SUPT3H: variants seen among roughly 807,000 people sequenced by gnomAD.
The protein encoded by SUPT3H is SPT3 homolog, SAGA and STAGA complex component.
SUPT3H carries 44 observed loss-of-function variants against 44.3 expected under a neutral mutation model. That is an observed-to-expected ratio of 0.99 (90% confidence interval 0.78 to 1.28). The LOEUF (loss-of-function observed/expected upper bound fraction) is 1.28, where lower values mean the gene tolerates loss of function less well. Among genes scored for constraint, SUPT3H ranks in the 50% most tolerant of loss-of-function variants. The pLI, the probability that SUPT3H is intolerant of heterozygous loss-of-function variation, is 0.00. For missense variants in SUPT3H, 380 were observed against 387.1 expected (o/e 0.98, Z 0.15); for synonymous variants, 124 against 125.6 (o/e 0.99, Z 0.09).
chr6:44,928,714 T>G (rs1033081526), intron 10 of SUPT3H, among the ~76,000 whole-genome samples: 2 of 150,368 alleles, frequency 1.3e-5, no homozygotes, highest in African/African-American at 4.9e-5. Flanking sequence ...AAACCCCGTC[T>G]CTACTAAAAA....
intron 2 of SUPT3H, among the ~76,000 whole-genome samples, chr6:45,167,707 GA>G (rs534945322): frequency 9.3e-5 from 14 of 150,822 alleles, no homozygotes; most frequent in Non-Finnish European, 1.6e-4. Flanking sequence ...TTTAGAGGAT[GA>G]AAAACATTGA....
At chr6:44,833,224 A>C (rs1398266597) in intron 10 of SUPT3H, among the ~76,000 whole-genome samples, 1 of 152,064 alleles carries the variant, frequency 6.6e-6, no homozygotes, top group Non-Finnish European at 1.5e-5. Context: ...GTAAGTCCCA[A>C]ACTCTCCTAC....
At chr6:45,233,265 G>T (rs528250099) in intron 2 of SUPT3H, among the ~76,000 whole-genome samples, 3 of 152,300 alleles carry the variant, frequency 2.0e-5, no homozygotes, top group Admixed American at 2.0e-4. Flanking sequence ...CCTCCAAATG[G>T]ACTCTGGGAG....
intron 2 of SUPT3H, among the ~76,000 whole-genome samples, chr6:45,209,719 T>C (rs1763779397): frequency 6.6e-6 from 1 of 152,232 alleles, no homozygotes; most frequent in Non-Finnish European, 1.5e-5. Flanking sequence ...CTAAAGCAGA[T>C]ACAAGGTTTG....
intron 2 of SUPT3H, among the ~76,000 whole-genome samples, chr6:45,115,075 A>C (rs1351884269): frequency 6.6e-6 from 1 of 152,184 alleles, no homozygotes; most frequent in Non-Finnish European, 1.5e-5. Flanking sequence ...GAAAACAGAT[A>C]CACTGTAATC....
chr6:45,307,643 G>A (rs1783260603), intron 2 of SUPT3H, among the ~76,000 whole-genome samples: 1 of 152,092 alleles, frequency 6.6e-6, no homozygotes, highest in Admixed American at 6.5e-5. Flanking sequence ...AAGACCAAAG[G>A]TAGATAAAAA....
chr6:45,272,944 T>C (rs913155731), intron 2 of SUPT3H, among the ~76,000 whole-genome samples: 3 of 152,234 alleles, frequency 2.0e-5, no homozygotes, highest in African/African-American at 7.2e-5. Context: ...GCCATGGTTT[T>C]TATTGTTCTT....
At chr6:45,023,173 T>G (rs1324049472) in intron 3 of SUPT3H, among the ~76,000 whole-genome samples, 2 of 149,740 alleles carry the variant, frequency 1.3e-5, no homozygotes, top group Non-Finnish European at 3.0e-5. Context: ...AAAAAAAAGC[T>G]CAGTAACACT....
At chr6:44,824,627 G>A (rs1767603902), downstream of SUPT3H, among the ~76,000 whole-genome samples, 1 of 152,180 alleles carries the variant, frequency 6.6e-6, no homozygotes, top group Non-Finnish European at 1.5e-5. Flanking sequence ...GCTGCTGACT[G>A]GGTGTGGTGG....
intron 6 of SUPT3H, among the ~76,000 whole-genome samples, chr6:45,000,122 T>C (rs757546493): frequency 1.4e-4 from 21 of 152,014 alleles, no homozygotes; most frequent in Admixed American, 2.6e-4. Context: ...TATGTACATA[T>C]GTAAACTACA....
At chr6:45,158,939 A>C (rs1186388036) in intron 2 of SUPT3H, 1 of 152,220 alleles carries the variant, frequency 6.6e-6, no homozygotes, top group Non-Finnish European at 1.5e-5. Flanking sequence ...AAAAGGACTC[A>C]AATCCAATGG....
chr6:45,055,677 T>C (rs2153538865), intron 3 of SUPT3H, among the ~76,000 whole-genome samples: 1 of 152,290 alleles, frequency 6.6e-6, no homozygotes, highest in East Asian at 1.9e-4. Flanking sequence ...CAACTCAAGA[T>C]GGATCAAAGA....
At chr6:45,357,350 T>G (rs1010551674) in intron 2 of SUPT3H, among the ~76,000 whole-genome samples, 50 of 151,164 alleles carry the variant, frequency 3.3e-4, no homozygotes, top group African/African-American at 1.2e-3. Flanking sequence ...TTTTATTTTT[T>G]GAGACAGTCT....
intron 2 of SUPT3H, among the ~76,000 whole-genome samples, chr6:45,357,258 C>T (rs1439727977): frequency 2.6e-5 from 4 of 152,246 alleles, no homozygotes; most frequent in African/African-American, 9.6e-5. Flanking sequence ...CCGCCCACCT[C>T]GGCCTCCCAA....
intron 5 of SUPT3H, among the ~76,000 whole-genome samples, chr6:45,013,495 C>G (rs1783796488): frequency 6.6e-6 from 1 of 152,114 alleles, no homozygotes; most frequent in Non-Finnish European, 1.5e-5. Flanking sequence ...CCTGGAAAGA[C>G]TTCCCTGGAT....
chr6:45,077,601 T>C (rs1795165926), intron 3 of SUPT3H, among the ~76,000 whole-genome samples: 1 of 113,688 alleles, frequency 8.8e-6, no homozygotes, highest in Non-Finnish European at 1.6e-5. Context: ...CACTCCAGCC[T>C]AGGTGACAGA....
At chr6:45,195,989 CAGT>C (rs546469975) in intron 2 of SUPT3H, among the ~76,000 whole-genome samples, 200 of 152,096 alleles carry the variant, frequency 1.3e-3, no homozygotes, top group African/African-American at 4.6e-3. Flanking sequence ...GTGTATATGC[CAGT>C]AGCTGGCATA....
intron 3 of SUPT3H, among the ~76,000 whole-genome samples, chr6:45,104,285 T>C (rs1027878563): frequency 2.0e-5 from 3 of 152,090 alleles, no homozygotes; most frequent in Non-Finnish European, 4.4e-5. Context: ...AGATTTAACA[T>C]GAATAACAAT....
intron 3 of SUPT3H, among the ~76,000 whole-genome samples, chr6:45,094,031 A>G (rs539864911): frequency 6.6e-6 from 1 of 152,298 alleles, no homozygotes; most frequent in Non-Finnish European, 1.5e-5. Flanking sequence ...ACTCAGTCAC[A>G]CAATTTCAAG....
Sources: allele counts gnomAD v4.1 joint callset (sites outside exome capture counted in the v4.1 genomes callset), GRCh38; gene constraint gnomAD v4.1.1; transcripts MANE v1.5; gene names NCBI Gene and HGNC (gene_info 2026-07-23, HGNC 2026-07-21).